The following IGSF11 variants were observed in gnomAD, a reference collection of about 807,000 sequenced individuals.
IGSF11 encodes the protein CXADR like 1.
A neutral mutation model predicts 41.0 loss-of-function variants in IGSF11; 22 were observed. That is an observed-to-expected ratio of 0.54 (90% CI 0.38 to 0.77). The LOEUF (loss-of-function observed/expected upper bound fraction) is 0.77, where lower values mean the gene tolerates loss of function less well. IGSF11 is among the 30% of genes least tolerant of loss of function. The pLI is 0.00. For synonymous variants in IGSF11, 219 were observed against 201.3 expected, an observed-to-expected ratio of 1.09 and a Z score of -0.74; for missense variants, 444 against 530.8, an observed-to-expected ratio of 0.84 and a Z score of 1.61.
chr3:118,995,505 T>G (rs1936178308), intron 1 of IGSF11, among the ~76,000 whole-genome samples: 1 of 151,970 alleles, frequency 6.6e-6, no homozygotes, highest in Non-Finnish European at 1.5e-5. Context: ...GATAAAATGA[T>G]CAGTACCTAA....
At chr3:118,988,663 G>A (rs771064852) in intron 1 of IGSF11, among the ~76,000 whole-genome samples, 3 of 152,156 alleles carry the variant, frequency 2.0e-5, no homozygotes, top group Non-Finnish European at 2.9e-5. Flanking sequence ...AATGGCATCT[G>A]CATGTGGTTT....
chr3:119,115,946 A>G (rs1420233248), intron 1 of IGSF11, among the ~76,000 whole-genome samples: 1 of 152,204 alleles, frequency 6.6e-6, no homozygotes, highest in East Asian at 1.9e-4. Context: ...AAGTCTTAAG[A>G]TTATATAATT....
intron 1 of IGSF11, chr3:118,944,906 T>C (rs1943999254): frequency 6.6e-6 from 1 of 152,160 alleles, no homozygotes; most frequent in Non-Finnish European, 1.5e-5. Flanking sequence ...TTCAAAACAA[T>C]GTCTAGTGTG....
At chr3:119,037,012 C>T (rs535355607), upstream of IGSF11, among the ~76,000 whole-genome samples, 3 of 152,318 alleles carry the variant, frequency 2.0e-5, no homozygotes, top group Admixed American at 6.5e-5. Flanking sequence ...ATCAGGAGTA[C>T]TAGAAGCTCC....
intron 1 of IGSF11, among the ~76,000 whole-genome samples, chr3:119,121,828 C>G (rs1165860385): frequency 1.3e-5 from 2 of 151,938 alleles, no homozygotes; most frequent in African/African-American, 4.8e-5. Flanking sequence ...AACAACCTAC[C>G]ATGTACAAGG....
chr3:119,080,316 T>A (rs1289565129), intron 1 of IGSF11, among the ~76,000 whole-genome samples: 2 of 152,232 alleles, frequency 1.3e-5, no homozygotes, highest in East Asian at 3.8e-4. Flanking sequence ...TCTATTAATA[T>A]ATTCTGGCAT....
intron 1 of IGSF11, among the ~76,000 whole-genome samples, chr3:119,054,910 T>G (rs1941764785): frequency 6.6e-6 from 1 of 151,418 alleles, no homozygotes; most frequent in Admixed American, 6.6e-5. Flanking sequence ...CTGAGTAGCC[T>G]AACTGGGAGG....
intron 1 of IGSF11, among the ~76,000 whole-genome samples, chr3:118,983,103 C>G (rs1262719789): frequency 6.6e-6 from 1 of 152,164 alleles, no homozygotes; most frequent in Non-Finnish European, 1.5e-5. Flanking sequence ...TTAAGTCTGG[C>G]TCTAAAGATG....
intron 1 of IGSF11, among the ~76,000 whole-genome samples, chr3:118,999,711 A>C (rs750803944): frequency 7.9e-5 from 12 of 152,210 alleles, no homozygotes; most frequent in South Asian, 2.1e-4. Context: ...TATTAAAATA[A>C]ACTTCATAAC....
At chr3:119,050,387 A>C (rs1198824542) in intron 1 of IGSF11, among the ~76,000 whole-genome samples, 1 of 152,262 alleles carries the variant, frequency 6.6e-6, no homozygotes, top group East Asian at 1.9e-4. Context: ...CAAAAAACAC[A>C]TGAAAAAATG....
intron 1 of IGSF11, among the ~76,000 whole-genome samples, chr3:119,043,715 G>A (rs1414706359): frequency 3.3e-5 from 5 of 152,320 alleles, no homozygotes; most frequent in Middle Eastern, 3.4e-3. Flanking sequence ...GAGACCTAAA[G>A]ATGGATCACA....
chr3:118,902,775 G>A lies in IGSF11; in HGVS notation c.1041C>T (p.Phe347=). ...HFSDLGQSFS[F]HSGNANIPSI... ...ATGGTATGTTGGCATTGCCTGAGTG[G>A]AAAGAGAAAGATTGGCCCAAGTCAC... The change falls in exon 7 of 7, where the codon TTC becomes TTT. Residue 347 remains phenylalanine, a synonymous_variant. Coordinates refer to ENST00000393775, the MANE Select transcript of IGSF11 (RefSeq NM_001015887.3). The A allele has an allele frequency of 1.2e-6, 2 of 1,614,164 alleles. No homozygotes were observed. Among genetic ancestry groups the A allele is most frequent in the Admixed American group, 1.7e-5 (1 of 60,030 alleles).
At chr3:119,084,703 G>T (rs1195631797) in intron 1 of IGSF11, among the ~76,000 whole-genome samples, 2 of 152,226 alleles carry the variant, frequency 1.3e-5, no homozygotes, top group Non-Finnish European at 2.9e-5. Context: ...TGCATACAGT[G>T]CAGGCTCTAC....
intron 1 of IGSF11, among the ~76,000 whole-genome samples, chr3:119,021,427 T>C (rs1172247884): frequency 6.6e-6 from 1 of 152,080 alleles, no homozygotes; most frequent in African/African-American, 2.4e-5. Context: ...CATTCATATA[T>C]AGAATTCTGT....
chr3:119,019,044 G>C (rs373489463), intron 1 of IGSF11, among the ~76,000 whole-genome samples: 1 of 152,176 alleles, frequency 6.6e-6, no homozygotes, highest in Non-Finnish European at 1.5e-5. Context: ...GTGATGAAGC[G>C]AATAAAGAGG....
At chr3:119,066,219 T>C (rs1284886059) in intron 1 of IGSF11, among the ~76,000 whole-genome samples, 1 of 152,208 alleles carries the variant, frequency 6.6e-6, no homozygotes, top group Non-Finnish European at 1.5e-5. Flanking sequence ...AAATTCTTAA[T>C]TAAATCTGTA....
At chr3:119,129,587 T>C (rs1446651026) in intron 1 of IGSF11, among the ~76,000 whole-genome samples, 3 of 152,250 alleles carry the variant, frequency 2.0e-5, no homozygotes, top group Admixed American at 1.3e-4. Context: ...GTTTTCTTAT[T>C]CAAACAGTGT....
intron 1 of IGSF11, among the ~76,000 whole-genome samples, chr3:119,046,566 C>T (rs1305126110): frequency 4.0e-5 from 6 of 151,786 alleles, no homozygotes; most frequent in African/African-American, 1.5e-4. Context: ...TTGGAAAACA[C>T]TCTGCAGGAT....
intron 1 of IGSF11, among the ~76,000 whole-genome samples, chr3:119,119,500 G>A (rs1355650383): frequency 2.6e-5 from 4 of 152,184 alleles, no homozygotes; most frequent in African/African-American, 9.6e-5. Context: ...TTCAAGATGA[G>A]ATTTGGGTGG....
Sources: gnomAD v4.1 joint callset for allele counts (sites outside exome capture counted in the v4.1 genomes callset) on GRCh38, gnomAD v4.1.1 for gene constraint, MANE v1.5 for transcripts, NCBI Gene and HGNC (gene_info 2026-07-23, HGNC 2026-07-21) for gene names.